Variants in WWC2 observed in about 807,000 individuals in gnomAD.
The protein encoded by WWC2 is WW and C2 domain containing 2.
Under a neutral mutation model 138.5 loss-of-function variants are expected in WWC2, and 101 were observed. That is an observed-to-expected ratio of 0.73 (90% CI 0.62 to 0.86). The LOEUF is 0.86. Ranked by LOEUF, WWC2 falls within the 40% of genes least tolerant of loss-of-function variation. WWC2 has a pLI of 0.00. For missense variants in WWC2, 1,420 were observed against 1,419.4 expected, an observed-to-expected ratio of 1.00 and a Z score of -0.01; for synonymous variants, 558 against 538.4, an observed-to-expected ratio of 1.04 and a Z score of -0.50.
At chr4:183,273,582 C>T (rs1351628528) in intron 16 of WWC2, among the ~76,000 whole-genome samples, 1 of 152,140 alleles carries the variant, frequency 6.6e-6, no homozygotes, top group African/African-American at 2.4e-5. Flanking sequence ...GGATTACAGG[C>T]GTGAGCCACC....
intron 1 of WWC2, among the ~76,000 whole-genome samples, chr4:183,154,026 A>C (rs796365363): frequency 5.4e-4 from 79 of 145,614 alleles, no homozygotes; most frequent in African/African-American, 2.0e-3. Flanking sequence ...AAAAAAAAAA[A>C]AACCCCAAAT....
chr4:183,184,135 A>G (rs750751264), intron 1 of WWC2, among the ~76,000 whole-genome samples: 38 of 152,068 alleles, frequency 2.5e-4, no homozygotes, highest in Non-Finnish European at 3.4e-4. Flanking sequence ...AGCAGTTTCT[A>G]TTTACCCCTT....
At chr4:183,200,959 G>T (rs1006851558) in intron 2 of WWC2, among the ~76,000 whole-genome samples, 2 of 152,204 alleles carry the variant, frequency 1.3e-5, no homozygotes, top group Non-Finnish European at 2.9e-5. Flanking sequence ...GTCATCTACA[G>T]TTCTGAAAAC....
chr4:183,226,095 C>CTTTTTTTTTTTTTTT (rs11321151), intron 4 of WWC2, among the ~76,000 whole-genome samples: 22 of 113,450 alleles, frequency 1.9e-4, no homozygotes, highest in Non-Finnish European at 2.7e-4. Context: ...CTTTTCTTTT[C>CTTTTTTTTTTTTTTT]TTTTTTTTTT....
chr4:183,301,398 T>C (rs1738835832), intron 21 of WWC2, among the ~76,000 whole-genome samples: 2 of 152,194 alleles, frequency 1.3e-5, no homozygotes, highest in African/African-American at 2.4e-5. Flanking sequence ...TTAACAAATA[T>C]AGGCTGCTTT....
intron 1 of WWC2, among the ~76,000 whole-genome samples, chr4:183,124,456 A>G (rs1281690819): frequency 1.3e-5 from 2 of 149,966 alleles, no homozygotes; most frequent in African/African-American, 4.9e-5. Flanking sequence ...ACTTATTGAT[A>G]CAAATGACTC....
intron 16 of WWC2, among the ~76,000 whole-genome samples, chr4:183,280,486 T>C (rs1738034012): frequency 6.6e-6 from 1 of 152,044 alleles, no homozygotes; most frequent in Non-Finnish European, 1.5e-5. Context: ...ACCACTAGAA[T>C]TGACAAATAC....
At chr4:183,236,310 G>A (rs951173065) in intron 4 of WWC2, among the ~76,000 whole-genome samples, 3 of 152,196 alleles carry the variant, frequency 2.0e-5, no homozygotes, top group Non-Finnish European at 4.4e-5. Flanking sequence ...GTTTAATTGA[G>A]CAATGAAAGA....
chr4:183,214,614 G>T (rs1433650530), intron 4 of WWC2, among the ~76,000 whole-genome samples: 2 of 151,960 alleles, frequency 1.3e-5, no homozygotes, highest in Non-Finnish European at 2.9e-5. Context: ...CCAACATGGA[G>T]AAACCCCGTC....
At chr4:183,292,287 G>A (rs1738481512) in intron 21 of WWC2, among the ~76,000 whole-genome samples, 1 of 151,712 alleles carries the variant, frequency 6.6e-6, no homozygotes, top group Non-Finnish European at 1.5e-5. Context: ...GCTTTGGGAG[G>A]CCAGAGTGCC....
intron 4 of WWC2, among the ~76,000 whole-genome samples, chr4:183,222,472 T>C (rs1163452576): frequency 6.6e-6 from 1 of 152,010 alleles, no homozygotes; most frequent in Non-Finnish European, 1.5e-5. Context: ...TCAAGAAATA[T>C]AGTGGTCCTA....
intron 9 of WWC2, among the ~76,000 whole-genome samples, chr4:183,256,290 G>A (rs370175969): frequency 7.9e-5 from 12 of 152,178 alleles, no homozygotes; most frequent in African/African-American, 2.9e-4. Flanking sequence ...CCTATCCTGG[G>A]ATGCTCAAAG....
chr4:183,152,148 G>A (rs1733650778), intron 1 of WWC2, among the ~76,000 whole-genome samples: 1 of 152,088 alleles, frequency 6.6e-6, no homozygotes, highest in Non-Finnish European at 1.5e-5. Flanking sequence ...TCGTAAGAAA[G>A]AAAAGGATTT....
intron 4 of WWC2, among the ~76,000 whole-genome samples, chr4:183,228,896 T>C (rs535618334): frequency 6.6e-6 from 1 of 152,176 alleles, no homozygotes; most frequent in East Asian, 1.9e-4. Flanking sequence ...CATCTAGCAA[T>C]GCAAATCAAC....
intron 1 of WWC2, among the ~76,000 whole-genome samples, chr4:183,149,228 A>G (rs1733564370): frequency 6.6e-6 from 1 of 152,220 alleles, no homozygotes; most frequent in Admixed American, 6.5e-5. Context: ...TCATAAAAGT[A>G]ATTATCCTGA....
At chr4:183,311,406 G>C (rs1739212502) in intron 21 of WWC2, among the ~76,000 whole-genome samples, 1 of 152,070 alleles carries the variant, frequency 6.6e-6, no homozygotes, top group Admixed American at 6.6e-5. Flanking sequence ...AAGAGTCTCT[G>C]TTTACTGTTC....
At position 183,318,354 on chromosome 4, in the gene WWC2, ATATT is replaced by A. The variant is rs1392724863; in HGVS notation, c.*2628_*2631del. The A allele has an allele frequency of 1.3e-5, 2 of 152,692 alleles. No individual in the cohort carries two copies. The highest frequency in any genetic ancestry group is 2.9e-5 in the Non-Finnish European group (2 of 68,034). The allele number at this position is 152,692 out of a possible 1,614,324, so 9.5% of individuals were successfully genotyped here. ...TATCAAAAGCTCAGGACTGAACTTA[ATATT>A]TAATCAGGTTAAATTCTGAACATGT... On this transcript the variant is annotated 3_prime_UTR_variant, in exon 23 of 23. Transcript: ENST00000403733.
rs35875624 is a variant in WWC2 at position 183,301,453 on chromosome 4, T to TA, written c.3385-10879dup. 1.5e-3 allele frequency among the ~76,000 whole-genome samples: 230 copies of TA among 150,818 alleles called. 1 individual carries two copies. The highest frequency in any genetic ancestry group is 2.3e-3 in the Non-Finnish European group (158 of 67,602). On this transcript the variant is annotated intron_variant, in intron 21 of 22. Coordinates refer to ENST00000403733, the MANE Select transcript of WWC2 (RefSeq NM_024949.6). ...ACCAGGGAGAGGAAATAGGGGGCAG[T>TA]AAAAAAAAATACCTGGAAAAAGACA...
At chr4:183,220,746 A>G (rs1735907431) in intron 4 of WWC2, among the ~76,000 whole-genome samples, 1 of 151,954 alleles carries the variant, frequency 6.6e-6, no homozygotes, top group South Asian at 2.1e-4. Flanking sequence ...AGCCAGGAGA[A>G]TGGCGTGAAC....
Sources: gnomAD v4.1 joint callset for allele counts (sites outside exome capture counted in the v4.1 genomes callset) on GRCh38, gnomAD v4.1.1 for gene constraint, MANE v1.5 for transcripts, NCBI Gene and HGNC (gene_info 2026-07-23, HGNC 2026-07-21) for gene names.